PTPRT: variants seen among roughly 807,000 people sequenced by gnomAD.
The protein encoded by PTPRT is protein tyrosine phosphatase receptor type T.
PTPRT carries 56 observed loss-of-function variants against 176.8 expected under a neutral mutation model. The ratio of observed to expected loss-of-function variants is 0.32; its 90% CI spans 0.26 to 0.40. The LOEUF (loss-of-function observed/expected upper bound fraction) is 0.40, where lower values mean the gene tolerates loss of function less well. PTPRT is among the 10% of genes least tolerant of loss of function. PTPRT has a pLI of 1.00. For missense variants in PTPRT, 1,540 were observed against 1,908.2 expected, an observed-to-expected ratio of 0.81 and a Z score of 3.60; for synonymous variants, 783 against 739.0, an observed-to-expected ratio of 1.06 and a Z score of -0.96.
chr20:43,158,229 G>A (rs916066073), intron 1 of PTPRT, among the ~76,000 whole-genome samples: 5 of 152,176 alleles, frequency 3.3e-5, no homozygotes, highest in African/African-American at 1.2e-4. Flanking sequence ...AATCAAGAAA[G>A]ACTAGGGCAA....
At chr20:42,993,635 T>C (rs928846248) in intron 1 of PTPRT, among the ~76,000 whole-genome samples, 10 of 150,686 alleles carry the variant, frequency 6.6e-5, no homozygotes, top group Non-Finnish European at 1.3e-4. Context: ...TACATATGAA[T>C]ACAATTAAAA....
chr20:43,169,722 G>T (rs912066460), intron 1 of PTPRT, among the ~76,000 whole-genome samples: 6 of 151,904 alleles, frequency 3.9e-5, no homozygotes, highest in African/African-American at 1.5e-4. Context: ...CTCTTCTCTA[G>T]TAATGAGGTC....
chr20:42,428,802 G>A (rs1229317365), intron 9 of PTPRT, among the ~76,000 whole-genome samples: 1 of 152,094 alleles, frequency 6.6e-6, no homozygotes, highest in Non-Finnish European at 1.5e-5. Flanking sequence ...AATACTGACA[G>A]GGCACCCCTC....
intron 7 of PTPRT, among the ~76,000 whole-genome samples, chr20:42,643,918 CCTT>C (rs2074824855): frequency 6.6e-6 from 1 of 152,120 alleles, no homozygotes; most frequent in South Asian, 2.1e-4. Context: ...GGCTCCTTCT[CCTT>C]CTTTGACAAG....
At chr20:42,655,541 G>C (rs2075110641) in intron 7 of PTPRT, among the ~76,000 whole-genome samples, 1 of 152,126 alleles carries the variant, frequency 6.6e-6, no homozygotes, top group Non-Finnish European at 1.5e-5. Context: ...CTTGGTTATG[G>C]GTGTAAAATA....
intron 1 of PTPRT, among the ~76,000 whole-genome samples, chr20:43,005,585 C>A (rs1984811640): frequency 1.3e-5 from 2 of 152,126 alleles, no homozygotes; most frequent in African/African-American, 4.8e-5. Flanking sequence ...ATACTTTGTG[C>A]ATTAATTATT....
intron 23 of PTPRT, among the ~76,000 whole-genome samples, chr20:42,110,049 C>CTT (rs747975893): frequency 0.11 from 15,697 of 139,564 alleles, 1,134 homozygotes; most frequent in South Asian, 0.25. Flanking sequence ...AGGACTTTTT[C>CTT]TTTTTTTTTT....
intron 6 of PTPRT, among the ~76,000 whole-genome samples, chr20:42,746,156 C>T (rs1311049204): frequency 6.6e-6 from 1 of 152,212 alleles, no homozygotes; most frequent in African/African-American, 2.4e-5. Context: ...GAAACCAATA[C>T]TTATCAGGTT....
the PTPRT span, among the ~76,000 whole-genome samples, chr20:42,061,942 A>G: frequency 1.3e-5 from 2 of 152,190 alleles, no homozygotes; most frequent in African/African-American, 4.8e-5. Flanking sequence ...ATGCATGTTA[A>G]TTTTACCTTT....
chr20:42,212,089 T>C (rs965569311), intron 15 of PTPRT, among the ~76,000 whole-genome samples: 2 of 137,016 alleles, frequency 1.5e-5, no homozygotes, highest in African/African-American at 5.5e-5. Context: ...TAGATGGGAA[T>C]TGAACAATGA....
chr20:43,173,364 T>C (rs1412748817), intron 1 of PTPRT, among the ~76,000 whole-genome samples: 4 of 152,182 alleles, frequency 2.6e-5, no homozygotes, highest in Non-Finnish European at 2.9e-5. Context: ...AAATCAGAGA[T>C]AAAATTATGC....
intron 9 of PTPRT, among the ~76,000 whole-genome samples, chr20:42,352,519 A>T (rs985672941): frequency 2.0e-5 from 3 of 152,174 alleles, no homozygotes; most frequent in Non-Finnish European, 4.4e-5. Flanking sequence ...GTAGGAGTTA[A>T]AACTTAAAAT....
At chr20:42,295,888 T>G (rs1288859139) in intron 12 of PTPRT, among the ~76,000 whole-genome samples, 1 of 152,228 alleles carries the variant, frequency 6.6e-6, no homozygotes, top group African/African-American at 2.4e-5. Context: ...CTAGTTCCTT[T>G]GCTTCGCACG....
At chr20:42,254,905 G>C (rs1282584787) in intron 13 of PTPRT, among the ~76,000 whole-genome samples, 1 of 152,028 alleles carries the variant, frequency 6.6e-6, no homozygotes, top group Non-Finnish European at 1.5e-5. Context: ...ACCTCAACTT[G>C]GTTCCCCTTA....
intron 7 of PTPRT, among the ~76,000 whole-genome samples, chr20:42,660,838 T>TTTTG (rs765086639): frequency 2.0e-5 from 3 of 151,952 alleles, no homozygotes; most frequent in African/African-American, 7.3e-5. Context: ...AAACAGTGTT[T>TTTTG]TTTGTTTGTT....
chr20:42,083,333 C>G (rs1983550692), intron 29 of PTPRT, among the ~76,000 whole-genome samples: 1 of 152,134 alleles, frequency 6.6e-6, no homozygotes, highest in African/African-American at 2.4e-5. Context: ...TGGGAGGCAT[C>G]TGGGCATCTG....
intron 1 of PTPRT, among the ~76,000 whole-genome samples, chr20:42,895,594 C>T (rs1005871063): frequency 1.3e-5 from 2 of 152,262 alleles, no homozygotes; most frequent in Admixed American, 1.3e-4. Context: ...CACAGGGGGC[C>T]ACATGTTCCC....
intron 7 of PTPRT, among the ~76,000 whole-genome samples, chr20:42,640,214 A>C (rs1160836671): frequency 6.6e-6 from 1 of 152,104 alleles, no homozygotes; most frequent in Non-Finnish European, 1.5e-5. Context: ...AGAATATTAG[A>C]GATTTCATAA....
intron 15 of PTPRT, among the ~76,000 whole-genome samples, chr20:42,204,888 G>A (rs559050263): frequency 6.6e-6 from 1 of 152,006 alleles, no homozygotes; most frequent in African/African-American, 2.4e-5. Context: ...ACAAAGTAAC[G>A]TTCTCTTCAT....
Sources: allele counts gnomAD v4.1 joint callset (sites outside exome capture counted in the v4.1 genomes callset), GRCh38; gene constraint gnomAD v4.1.1; transcripts MANE v1.5; gene names NCBI Gene and HGNC (gene_info 2026-07-23, HGNC 2026-07-21).